The following HCFC2 variants were observed in gnomAD, a reference collection of about 807,000 sequenced individuals.
HCFC2 encodes the protein host cell factor 2.
Under a neutral mutation model 89.2 loss-of-function variants are expected in HCFC2, and 18 were observed. The observed-to-expected ratio is 0.20, with a 90% CI of 0.14 to 0.30. HCFC2 has a LOEUF of 0.30. HCFC2 is among the 10% of genes least tolerant of loss of function. The pLI, the probability that HCFC2 is intolerant of heterozygous loss-of-function variation, is 1.00. For synonymous variants in HCFC2, 308 were observed against 335.7 expected, an observed-to-expected ratio of 0.92 and a Z score of 0.90; for missense variants, 578 against 956.1, an observed-to-expected ratio of 0.60 and a Z score of 5.21.
intron 13 of HCFC2, among the ~76,000 whole-genome samples, chr12:104,101,520 T>A (rs1279788788): frequency 6.6e-6 from 1 of 152,116 alleles, no homozygotes; most frequent in Non-Finnish European, 1.5e-5. Flanking sequence ...TACATGCTAG[T>A]CACTCCTTTT....
intron 12 of HCFC2, among the ~76,000 whole-genome samples, chr12:104,096,723 G>A (rs1372747427): frequency 6.6e-6 from 1 of 152,046 alleles, no homozygotes; most frequent in Non-Finnish European, 1.5e-5. Flanking sequence ...AAATCCAGGT[G>A]GGGGGCCACA....
chr12:104,091,356 C>G (rs1329153094), intron 9 of HCFC2, among the ~76,000 whole-genome samples: 1 of 152,172 alleles, frequency 6.6e-6, no homozygotes, highest in Non-Finnish European at 1.5e-5. Flanking sequence ...TGCACCTCTG[C>G]CACCACTGAC....
chr12:104,077,685 T>G (rs1251126242), intron 3 of HCFC2, among the ~76,000 whole-genome samples: 1 of 152,076 alleles, frequency 6.6e-6, no homozygotes, highest in Non-Finnish European at 1.5e-5. Flanking sequence ...TTGAGAATTA[T>G]ATGTGCTAAT....
intron 3 of HCFC2, among the ~76,000 whole-genome samples, chr12:104,076,954 A>G (rs1286711160): frequency 6.6e-6 from 1 of 151,992 alleles, no homozygotes; most frequent in African/African-American, 2.4e-5. Context: ...AAACATTTGC[A>G]TATGTATATG....
At position 104,082,623 on chromosome 12, in the gene HCFC2, T is replaced by C. The variant is rs1883717343; in HGVS notation, c.874+17T>C. 6.3e-7 allele frequency: 1 copy of C among 1,584,178 alleles called. No individual in the cohort carries two copies. On this transcript the variant is annotated intron_variant, in intron 6 of 14. Coordinates refer to ENST00000229330, the MANE Select transcript of HCFC2 (RefSeq NM_013320.3). ...TAAATCTGGGTGAGTCTTTTAAGAG[T>C]TACTCATTGAATTAATCTTTATTAA...
At position 104,103,315 on chromosome 12, in the gene HCFC2, T is replaced by C; in HGVS notation, c.*42T>C. On this transcript the variant is annotated 3_prime_UTR_variant, in exon 15 of 15. Transcript: ENST00000229330. The stretch of plus-strand genomic sequence containing the variant: ...AAGCTATTGTGATGATGATTATTTA[T>C]TAGTAACTGGTTATGAAGATTTGTC... The C allele has an allele frequency of 4.8e-6, 7 of 1,456,770 alleles. No homozygotes were observed. Among genetic ancestry groups the C allele is most frequent in the Non-Finnish European group, 6.6e-6 (7 of 1,055,084 alleles). 90.2% of individuals were successfully genotyped at this position (1,456,770 alleles called of 1,614,324 possible).
At chr12:104,087,441 G>GTATATATATATACATA (rs1223904859) in intron 8 of HCFC2, among the ~76,000 whole-genome samples, 1 of 88,474 alleles carries the variant, frequency 1.1e-5, no homozygotes, top group African/African-American at 3.8e-5. Context: ...GTGTGTGTGT[G>GTATATATATATACATA]TATGTGTGTG....
intron 9 of HCFC2, 79 bp from the exon 10 acceptor site, chr12:104,093,307 C>T (rs1884078372): frequency 5.5e-6 from 5 of 904,178 alleles, no homozygotes; most frequent in Middle Eastern, 5.9e-4. Context: ...TAAATTGTAA[C>T]TTATTTTGCT....
chr12:104,093,625 T>C, intron 10 of HCFC2, 62 bp downstream of exon 10: 1 of 1,387,326 alleles, frequency 7.2e-7, no homozygotes. Flanking sequence ...TTAATAGTCA[T>C]TGAAAAAGTA....
chr12:104,079,095 G>A (rs930684250), intron 3 of HCFC2, among the ~76,000 whole-genome samples: 1 of 152,196 alleles, frequency 6.6e-6, no homozygotes, highest in African/African-American at 2.4e-5. Flanking sequence ...ATCAAGGGAA[G>A]GGAACATAGA....
chr12:104,080,515 G>C (rs559913621), intron 4 of HCFC2: 45 of 311,244 alleles, frequency 1.4e-4, no homozygotes, highest in South Asian at 8.8e-4. Context: ...TTGAATCCAT[G>C]GATGCAGCAC....
chr12:104,105,777 T>C lies in HCFC2; in HGVS notation c.*2504T>C, dbSNP rs1219590723. The C allele has an allele frequency of 2.0e-5, 3 of 152,112 alleles. No homozygotes were observed. The East Asian group carries it at 5.8e-4, about 29-fold the overall frequency. The allele number at this position is 152,112 out of a possible 1,614,324, so 9.4% of individuals were successfully genotyped here. On this transcript the variant is annotated 3_prime_UTR_variant, in exon 15 of 15. Transcript: ENST00000229330. ...CAAGAGAAGTGCATTTAGCTTCTTA[T>C]GATTTGCACATTTTCTAAATGAAGA...
At chr12:104,073,201 A>T (rs1300031187) in intron 3 of HCFC2, among the ~76,000 whole-genome samples, 2 of 140,648 alleles carry the variant, frequency 1.4e-5, no homozygotes, top group African/African-American at 5.3e-5. Context: ...GTCTAGCTGC[A>T]TCGCCGAGGC....
chr12:104,070,240 G>A (rs1327162409), intron 3 of HCFC2, among the ~76,000 whole-genome samples: 1 of 151,774 alleles, frequency 6.6e-6, no homozygotes, highest in Admixed American at 6.6e-5. Flanking sequence ...GCGTTAGCCA[G>A]GATGGTCTCG....
Position 104,068,172 on chromosome 12 carries a change from C to A in HCFC2, c.473+65C>A. The A allele has an allele frequency of 7.3e-7, 1 of 1,369,672 alleles. No homozygotes were observed. The highest frequency in any genetic ancestry group is 9.8e-7 in the Non-Finnish European group (1 of 1,024,424). 84.8% of individuals were successfully genotyped at this position (1,369,672 alleles called of 1,614,324 possible). ...TTAGAGTAGGAACATTTTATTTTTT[C>A]CATCTTTAATTTTTAAAAGGGATGA... On this transcript the variant is annotated intron_variant, in intron 3 of 14. Coordinates refer to ENST00000229330, the MANE Select transcript of HCFC2 (RefSeq NM_013320.3). This position sits in a 1 kb window ranked among gnomAD's most constrained non-coding sequence, Gnocchi z 4.1.
rs1196529791 is a variant in HCFC2 at position 104,103,575 on chromosome 12, G to A, written c.*302G>A. On this transcript the variant is annotated 3_prime_UTR_variant, in exon 15 of 15. Coordinates refer to ENST00000229330, the MANE Select transcript of HCFC2 (RefSeq NM_013320.3). Reference sequence around the variant, plus strand: ...TACCCCAATATCTTTTATAAGGGCTGTGTAACCCAGTCATCCTAGAGTTAT... The same window carrying A: ...TACCCCAATATCTTTTATAAGGGCTATGTAACCCAGTCATCCTAGAGTTAT... The A allele has an allele frequency of 1.0e-5, 3 of 297,184 alleles. No individual in the cohort carries two copies. The highest frequency in any genetic ancestry group is 2.2e-5 in the African/African-American group (1 of 45,708). The allele number at this position is 297,184 out of a possible 1,614,324, so 18.4% of individuals were successfully genotyped here.
At chr12:104,066,452 A>G in intron 2 of HCFC2, 137 bp downstream of exon 2, 1 of 603,564 alleles carries the variant, frequency 1.7e-6, no homozygotes, top group South Asian at 2.6e-5. Context: ...CAAGTAAACT[A>G]TTATTCAAGT....
chr12:104,087,443 A>ATG (rs201321288), intron 8 of HCFC2, among the ~76,000 whole-genome samples: 2 of 96,146 alleles, frequency 2.1e-5, no homozygotes, highest in African/African-American at 4.0e-5. Flanking sequence ...GTGTGTGTGT[A>ATG]TGTGTGTGTG....
chr12:104,086,675 A>G (rs1883859190), intron 7 of HCFC2, among the ~76,000 whole-genome samples, 172 bp from the exon 8 acceptor site: 1 of 152,016 alleles, frequency 6.6e-6, no homozygotes, highest in Non-Finnish European at 1.5e-5. Context: ...ACCCCAAACT[A>G]TTTTTATTTG....
Sources: gnomAD v4.1 joint callset for allele counts (sites outside exome capture counted in the v4.1 genomes callset) on GRCh38, gnomAD v4.1.1 for gene constraint, Gnocchi (gnomAD v3.1) non-coding constraint, MANE v1.5 for transcripts, NCBI Gene and HGNC (gene_info 2026-07-23, HGNC 2026-07-21) for gene names.